The following WAPL variants were observed in gnomAD, a reference collection of about 807,000 sequenced individuals.
The protein encoded by WAPL is WAPL cohesin release factor, also known as wings apart-like protein homolog.
In WAPL, 5 loss-of-function variants were observed where a neutral mutation model predicts 121.0. That is an observed-to-expected ratio of 0.04 (90% confidence interval 0.02 to 0.09). The LOEUF (loss-of-function observed/expected upper bound fraction) is 0.09, where lower values mean the gene tolerates loss of function less well. Among genes scored for constraint, WAPL ranks in the 10% least tolerant of loss-of-function variants. WAPL has a pLI of 1.00. For synonymous variants in WAPL, 480 were observed against 481.5 expected, an observed-to-expected ratio of 1.00 and a Z score of 0.04; for missense variants, 999 against 1,410.8, an observed-to-expected ratio of 0.71 and a Z score of 4.68.
At position 86,472,375 on chromosome 10, in the gene WAPL, T is replaced by A. The variant is rs751122991; in HGVS notation, c.1894-31A>T. 3 of 1,585,512 alleles carry A rather than the reference T, an allele frequency of 1.9e-6. No homozygotes were observed. The highest frequency in any genetic ancestry group is 2.6e-6 in the Non-Finnish European group (3 of 1,173,300). ...AAGAAAAAAAAAGTTCACCCCTTTT[T>A]AACTAGGAACTAGCATATTTAAATC... On this transcript the variant is annotated intron_variant, in intron 6 of 18. Coordinates refer to ENST00000298767, the MANE Select transcript of WAPL (RefSeq NM_015045.5). This position sits in a 1 kb window ranked among gnomAD's most constrained non-coding sequence, Gnocchi z 4.2.
Position 86,453,637 on chromosome 10 carries a change from A to C in WAPL, c.2833+19T>G. On this transcript the variant is annotated intron_variant, in intron 13 of 18. Coordinates refer to ENST00000298767, the MANE Select transcript of WAPL (RefSeq NM_015045.5). ...CAATATACATCTTTCAATGAGAAAA[A>C]AATGGAAAAAAATCTTACCATTATC... The C allele has an allele frequency of 3.8e-6, 6 of 1,586,492 alleles. No individual in the cohort carries two copies. The highest frequency in any genetic ancestry group is 4.3e-6 in the Non-Finnish European group (5 of 1,169,208).
chr10:86,456,659 C>T (rs2132177923), intron 12 of WAPL, among the ~76,000 whole-genome samples: 1 of 152,258 alleles, frequency 6.6e-6, no homozygotes, highest in African/African-American at 2.4e-5. Context: ...TGTAAAAGTT[C>T]TTAATATTTT....
At chr10:86,448,311 C>T (rs1004018639) in intron 15 of WAPL, among the ~76,000 whole-genome samples, 1 of 151,946 alleles carries the variant, frequency 6.6e-6, no homozygotes, top group African/African-American at 2.4e-5. Flanking sequence ...CTTAGCCAAA[C>T]GTGGTGGCAT....
At chr10:86,515,197 G>T (rs1449353917) in intron 2 of WAPL, among the ~76,000 whole-genome samples, 1 of 151,550 alleles carries the variant, frequency 6.6e-6, no homozygotes, top group African/African-American at 2.4e-5. Context: ...AGAGGCGGAG[G>T]TTGCAGTGAG....
At chr10:86,488,984 T>C (rs1313110346) in intron 4 of WAPL, among the ~76,000 whole-genome samples, 2 of 152,224 alleles carry the variant, frequency 1.3e-5, no homozygotes, top group African/African-American at 4.8e-5. Flanking sequence ...TCAGTAGTAA[T>C]GGTACAAGCT....
At chr10:86,507,843 T>C (rs555504685) in intron 2 of WAPL, among the ~76,000 whole-genome samples, 2 of 152,216 alleles carry the variant, frequency 1.3e-5, no homozygotes, top group African/African-American at 4.8e-5. Context: ...CTCCTATTCA[T>C]TAGCCCTGTC....
chr10:86,502,659 T>C (rs1422574175), intron 2 of WAPL, among the ~76,000 whole-genome samples: 2 of 152,190 alleles, frequency 1.3e-5, no homozygotes, highest in African/African-American at 4.8e-5. Flanking sequence ...CACACAAATA[T>C]ATACAGACTT....
At chr10:86,484,956 G>A (rs1841896458) in intron 4 of WAPL, among the ~76,000 whole-genome samples, 1 of 152,070 alleles carries the variant, frequency 6.6e-6, no homozygotes, top group Non-Finnish European at 1.5e-5. Flanking sequence ...AGTACAAAAT[G>A]GAAAAACAAA....
rs780555199 is a variant in WAPL at position 86,517,792 on chromosome 10, T to C, written c.278A>G (p.Lys93Arg). 11 of 1,614,200 alleles carry C rather than the reference T, an allele frequency of 6.8e-6. No individual in the cohort carries two copies. Among genetic ancestry groups the C allele is most frequent in the Non-Finnish European group, 9.3e-6 (11 of 1,180,012 alleles). ...PVSSKNLAQV[K>R]CSSYSESSEA... Reference sequence around the variant, plus strand: ...ACTAGATTCTGAATAAGAGGAACACTTAACCTGGGCTAAATTCTTTGAAGA... The same window carrying C: ...ACTAGATTCTGAATAAGAGGAACACCTAACCTGGGCTAAATTCTTTGAAGA... Residue 93 changes from lysine to arginine, a missense_variant, in exon 2 of 19, where the codon AAG becomes AGG. Physicochemically the swap from Lys to Arg is conservative, Grantham distance 26. Around this residue, in one of 7 missense-constraint regions of WAPL, gnomAD observed 531 missense variants for 563.1 expected, o/e 0.94. Transcript: ENST00000298767.
rs1345411236 is a variant in WAPL at position 86,473,981 on chromosome 10, A to C, written c.1645-8T>G. 25 of 1,608,828 alleles carry C rather than the reference A, an allele frequency of 1.6e-5. No individual in the cohort carries two copies. The highest frequency in any genetic ancestry group is 2.0e-5 in the Non-Finnish European group (24 of 1,175,696). ...TACAGCTTTTGTGGGTGACTAGAGAAATGAGAGAAAGATCAACTGCTTCCA... is the reference window on the plus strand; with the variant it reads ...TACAGCTTTTGTGGGTGACTAGAGACATGAGAGAAAGATCAACTGCTTCCA... On this transcript the variant is annotated splice_polypyrimidine_tract_variant and splice_region_variant and intron_variant, in intron 4 of 18. Coordinates refer to ENST00000298767, the MANE Select transcript of WAPL (RefSeq NM_015045.5).
At chr10:86,474,637 G>C (rs988455807) in intron 4 of WAPL, among the ~76,000 whole-genome samples, 15 of 152,202 alleles carry the variant, frequency 9.9e-5, no homozygotes, top group Admixed American at 2.6e-4. Flanking sequence ...AGTGAGGAAG[G>C]AGGATCACTT....
At chr10:86,474,444 G>A (rs1841604258) in intron 4 of WAPL, among the ~76,000 whole-genome samples, 1 of 151,096 alleles carries the variant, frequency 6.6e-6, no homozygotes, top group African/African-American at 2.4e-5. Context: ...GAATCCGGAG[G>A]CAGAGGTTGC....
At chr10:86,487,544 A>G (rs1044915747) in intron 4 of WAPL, among the ~76,000 whole-genome samples, 1 of 152,066 alleles carries the variant, frequency 6.6e-6, no homozygotes, top group African/African-American at 2.4e-5. Flanking sequence ...TAACAACTCT[A>G]TATTCCTGGG....
At chr10:86,517,026 G>A (rs995046573) in intron 2 of WAPL, among the ~76,000 whole-genome samples, 3 of 152,066 alleles carry the variant, frequency 2.0e-5, no homozygotes, top group African/African-American at 4.8e-5. Context: ...GAGCCAGCAT[G>A]GGCGACAGCG....
intron 2 of WAPL, among the ~76,000 whole-genome samples, chr10:86,505,816 T>C (rs945408370): frequency 2.6e-5 from 4 of 152,196 alleles, no homozygotes; most frequent in African/African-American, 7.2e-5. Flanking sequence ...ATTCTGGCTA[T>C]TGAAGAGCAT....
At chr10:86,442,994 G>C (rs1394039335) in intron 17 of WAPL, among the ~76,000 whole-genome samples, 1 of 140,280 alleles carries the variant, frequency 7.1e-6, no homozygotes, top group African/African-American at 2.6e-5. Flanking sequence ...AGTGAGCCGA[G>C]ATTGCGCCAC....
At chr10:86,464,138 T>G (rs11592600) in intron 9 of WAPL, among the ~76,000 whole-genome samples, 118 of 152,216 alleles carry the variant, frequency 7.8e-4, no homozygotes, top group African/African-American at 2.7e-3. Flanking sequence ...AACAAAAACG[T>G]GTAAAGGATA....
intron 12 of WAPL, among the ~76,000 whole-genome samples, chr10:86,455,913 G>A (rs904328015): frequency 1.3e-5 from 2 of 152,054 alleles, no homozygotes; most frequent in African/African-American, 4.8e-5. Context: ...ACAGAAACAT[G>A]TTTTCTAAAT....
Position 86,521,752 on chromosome 10 carries a change from G to A in WAPL, c.-410C>T, listed in dbSNP as rs1477633293. ...CCATCTCAACGCCATTTGCGCTCCC[G>A]GCCCCCACCTCCTTCCTCCAACAGC... On this transcript the variant is annotated 5_prime_UTR_variant, in exon 1 of 19. Coordinates refer to ENST00000298767, the MANE Select transcript of WAPL (RefSeq NM_015045.5). The A allele has an allele frequency of 9.0e-6, 4 of 446,372 alleles. No homozygotes were observed. The highest frequency in any genetic ancestry group is 6.4e-5 in the African/African-American group (3 of 46,968). 27.7% of individuals were successfully genotyped at this position (446,372 alleles called of 1,614,324 possible).
Sources: allele counts gnomAD v4.1 joint callset (sites outside exome capture counted in the v4.1 genomes callset), GRCh38; gene constraint gnomAD v4.1.1; regional missense constraint gnomAD v4.1.1; non-coding constraint Gnocchi (gnomAD v3.1); transcripts MANE v1.5; gene names NCBI Gene and HGNC (gene_info 2026-07-23, HGNC 2026-07-21).